The following KCNH1 variants were observed in gnomAD, a reference collection of about 807,000 sequenced individuals.
KCNH1 encodes the protein potassium voltage-gated channel subfamily H member 1.
A neutral mutation model predicts 69.2 loss-of-function variants in KCNH1; 27 were observed. The observed-to-expected ratio is 0.39, with a 90% CI of 0.29 to 0.54. The LOEUF (loss-of-function observed/expected upper bound fraction) is 0.54, where lower values mean the gene tolerates loss of function less well. Among genes scored for constraint, KCNH1 ranks in the 20% least tolerant of loss-of-function variants. The pLI is 0.68. For synonymous variants in KCNH1, 456 were observed against 487.7 expected (o/e 0.93, Z 0.86); for missense variants, 798 against 1,261.6 (o/e 0.63, Z 5.57).
At chr1:210,701,420 T>G (rs1681774524) in intron 10 of KCNH1, among the ~76,000 whole-genome samples, 1 of 152,154 alleles carries the variant, frequency 6.6e-6, no homozygotes, top group South Asian at 2.1e-4. Context: ...GTGAGAATAC[T>G]GAGGCCCAGA....
intron 7 of KCNH1, among the ~76,000 whole-genome samples, chr1:210,879,788 T>G (rs567997752): frequency 1.3e-5 from 2 of 151,994 alleles, no homozygotes; most frequent in Non-Finnish European, 2.9e-5. Flanking sequence ...GGTATAAAGA[T>G]TGGGAAGAAA....
chr1:211,088,704 T>C (rs1006486156), intron 4 of KCNH1, among the ~76,000 whole-genome samples: 4 of 152,186 alleles, frequency 2.6e-5, no homozygotes, highest in African/African-American at 9.6e-5. Flanking sequence ...TGTGTATGTG[T>C]CAAATTTTTA....
intron 10 of KCNH1, among the ~76,000 whole-genome samples, chr1:210,735,820 C>CACAG (rs1491533093): frequency 2.9e-5 from 2 of 68,266 alleles, no homozygotes; most frequent in African/African-American, 8.0e-5. Flanking sequence ...CACACACACA[C>CACAG]AGAGAGAGAG....
intron 1 of KCNH1, among the ~76,000 whole-genome samples, chr1:211,128,219 G>A (rs993435132): frequency 2.2e-4 from 33 of 151,276 alleles, no homozygotes; most frequent in African/African-American, 7.1e-4. Context: ...AACCCGGGAG[G>A]CGGAGGTTGC....
In KCNH1 at chr1:210,938,867, G is replaced by A. The variant is rs544694501; in HGVS notation, c.1033-18798C>T. ...GATTTGACCTTATCTCCAGAATAGT[G>A]TCACTCTCTGACTTGAATTCTAATT... On this transcript the variant is annotated intron_variant, in intron 6 of 10. Coordinates refer to ENST00000271751, the MANE Select transcript of KCNH1 (RefSeq NM_172362.3). 4.6e-5 allele frequency among the ~76,000 whole-genome samples: 7 copies of A among 152,290 alleles called. No homozygotes were observed. In the East Asian group the frequency reaches 1.2e-3, roughly 25 times the overall value.
chr1:210,761,216 C>T (rs1683510369), intron 10 of KCNH1, among the ~76,000 whole-genome samples: 1 of 125,230 alleles, frequency 8.0e-6, no homozygotes, highest in Non-Finnish European at 1.6e-5. Context: ...CCCGCCACTG[C>T]ACTCCAGCCT....
chr1:210,980,042 A>T (rs1688682097), intron 6 of KCNH1, among the ~76,000 whole-genome samples: 1 of 152,206 alleles, frequency 6.6e-6, no homozygotes, highest in African/African-American at 2.4e-5. Context: ...ATGTCACAAA[A>T]TGCTTAATTA....
intron 10 of KCNH1, among the ~76,000 whole-genome samples, chr1:210,740,805 G>T (rs1683011035): frequency 7.3e-6 from 1 of 137,912 alleles, no homozygotes; most frequent in South Asian, 2.4e-4. Context: ...TCTTTTAAAT[G>T]TAAAAACAGA....
Position 210,683,757 on chromosome 1 carries a change from C to G in KCNH1, c.2494G>C (p.Ala832Pro). ...AAGCGGGCCCAGCTTTTGCGCTTGG[C>G]ACAATCGCCCCCGCCCCCCTTGGGG... Reference protein sequence around the residue: ...LGPKGGGGDCAKRKSWARFKD... With the variant: ...LGPKGGGGDCPKRKSWARFKD... The change falls in exon 11 of 11, where the codon GCC becomes CCC. Residue 832 changes from alanine (A) to proline (P), a missense_variant. By Grantham distance (27) the Ala-to-Pro change is conservative. Transcript: ENST00000271751. The surrounding 1 kb of genome is among the most constrained non-coding windows in gnomAD (Gnocchi z 5.7). 6.2e-7 allele frequency: 1 copy of G among 1,614,028 alleles called. No homozygotes were observed. The highest frequency in any genetic ancestry group is 1.3e-5 in the African/African-American group (1 of 75,076).
intron 10 of KCNH1, among the ~76,000 whole-genome samples, chr1:210,700,479 C>T (rs1054780969): frequency 6.6e-6 from 1 of 152,220 alleles, no homozygotes; most frequent in Admixed American, 6.5e-5. Flanking sequence ...TGGGTTTCAA[C>T]AGCACCACAA....
intron 1 of KCNH1, among the ~76,000 whole-genome samples, chr1:211,124,276 G>A (rs764377945): frequency 2.0e-5 from 3 of 152,194 alleles, no homozygotes; most frequent in Non-Finnish European, 2.9e-5. Flanking sequence ...ACAGAACACA[G>A]GTGTTTTTGT....
At chr1:211,037,655 A>G (rs1483667846) in intron 5 of KCNH1, among the ~76,000 whole-genome samples, 1 of 152,036 alleles carries the variant, frequency 6.6e-6, no homozygotes, top group Admixed American at 6.6e-5. Context: ...GGACTTCCCA[A>G]TTAAATCCAA....
At chr1:210,937,221 C>T (rs1574348812) in intron 6 of KCNH1, among the ~76,000 whole-genome samples, 1 of 152,306 alleles carries the variant, frequency 6.6e-6, no homozygotes, top group East Asian at 1.9e-4. Flanking sequence ...CAGAATCTAC[C>T]TTCCCAAGGG....
At chr1:210,747,385 T>A (rs1326602572) in intron 10 of KCNH1, among the ~76,000 whole-genome samples, 1 of 151,878 alleles carries the variant, frequency 6.6e-6, no homozygotes, top group Non-Finnish European at 1.5e-5. Context: ...GGTCACACAC[T>A]TCAGTCCTCC....
chr1:210,935,130 A>T (rs78367106), intron 6 of KCNH1, among the ~76,000 whole-genome samples: 3 of 52,782 alleles, frequency 5.7e-5, no homozygotes, highest in African/African-American at 2.4e-4. Flanking sequence ...TCACACACAC[A>T]CACACACACA....
chr1:210,716,230 G>C (rs527355256), intron 10 of KCNH1, among the ~76,000 whole-genome samples: 2 of 151,874 alleles, frequency 1.3e-5, no homozygotes, highest in African/African-American at 4.8e-5. Context: ...TCAGAAGATC[G>C]AGACCATCCT....
chr1:210,843,625 C>A (rs780796758), intron 7 of KCNH1, among the ~76,000 whole-genome samples: 2 of 152,116 alleles, frequency 1.3e-5, no homozygotes, highest in Non-Finnish European at 2.9e-5. Flanking sequence ...TAAAAACAAC[C>A]AAATGGCACA....
At chr1:211,016,960 C>T (rs933697377) in intron 6 of KCNH1, among the ~76,000 whole-genome samples, 3 of 150,990 alleles carry the variant, frequency 2.0e-5, no homozygotes, top group Non-Finnish European at 4.4e-5. Context: ...TTTAAGAACC[C>T]CAACGTTCAT....
At chr1:210,995,494 C>A (rs1342106710) in intron 6 of KCNH1, among the ~76,000 whole-genome samples, 1 of 152,196 alleles carries the variant, frequency 6.6e-6, no homozygotes, top group Non-Finnish European at 1.5e-5. Context: ...AGTACACACA[C>A]AACTCTTAAT....
Sources: gnomAD v4.1 joint callset for allele counts (sites outside exome capture counted in the v4.1 genomes callset) on GRCh38, gnomAD v4.1.1 for gene constraint, Gnocchi (gnomAD v3.1) non-coding constraint, MANE v1.5 for transcripts, NCBI Gene and HGNC (gene_info 2026-07-23, HGNC 2026-07-21) for gene names.